CDK13: variants seen among roughly 807,000 people sequenced by gnomAD.
CDK13 encodes cyclin dependent kinase 13.
CDK13 carries 40 observed loss-of-function variants against 137.6 expected under a neutral mutation model. The observed-to-expected ratio is 0.29, with a 90% CI of 0.23 to 0.38. CDK13 has a LOEUF of 0.38. Among genes scored for constraint, CDK13 ranks in the 10% least tolerant of loss-of-function variants. CDK13 has a pLI of 1.00. For synonymous variants in CDK13, 869 were observed against 760.1 expected, an observed-to-expected ratio of 1.14 and a Z score of -2.36; for missense variants, 1,704 against 1,951.8, an observed-to-expected ratio of 0.87 and a Z score of 2.39.
chr7:40,041,772 TACA>T (rs67424638), intron 5 of CDK13, among the ~76,000 whole-genome samples: 16,966 of 152,178 alleles, frequency 0.11, 3,094 homozygotes, highest in African/African-American at 0.38. Flanking sequence ...ATTACATCTC[TACA>T]ACATTTTTCA....
intron 5 of CDK13, among the ~76,000 whole-genome samples, chr7:40,003,202 ACACACTCTCT>A (rs1411794870): frequency 0.017 from 1,412 of 80,916 alleles, 9 homozygotes; most frequent in East Asian, 0.083. Flanking sequence ...ACACACACAC[ACACACTCTCT>A]CTCTCTCTCT....
In CDK13 at chr7:40,094,858, C is replaced by T. The variant is rs1010889258; in HGVS notation, c.4417C>T (p.Pro1473Ser). ...TAACTTACAGGAAAATCCGAGTGGC[C>T]CCAGCCTCATGCATGGACAGACCTG... is the stretch of plus-strand genomic sequence containing the variant. ...GGNLQENPSG[P>S]SLMHGQTWTS... The change falls in exon 14 of 14, where the codon CCC becomes TCC. Residue 1473 changes from proline to serine, a missense_variant. By Grantham distance (74) the Pro-to-Ser change is moderately conservative. Transcript: ENST00000181839. 8 of 1,549,426 alleles carry T rather than the reference C, an allele frequency of 5.2e-6. No individual in the cohort carries two copies. Among genetic ancestry groups the T allele is most frequent in the Non-Finnish European group, 7.0e-6 (8 of 1,149,514 alleles).
intron 13 of CDK13, 84 bp downstream of exon 13, chr7:40,093,321 T>TC: frequency 1.8e-6 from 2 of 1,118,564 alleles, no homozygotes; most frequent in Non-Finnish European, 1.3e-6. Context: ...TGTGTATAGT[T>TC]CAGTGACATT....
intron 6 of CDK13, among the ~76,000 whole-genome samples, 177 bp downstream of exon 6, chr7:40,046,202 A>T (rs367906161): frequency 1.3e-5 from 2 of 152,158 alleles, no homozygotes; most frequent in African/African-American, 4.8e-5. Flanking sequence ...CCTAACCCCT[A>T]CTATTACACT....
intron 1 of CDK13, among the ~76,000 whole-genome samples, chr7:39,977,318 G>C (rs558575568): frequency 6.6e-6 from 1 of 152,290 alleles, no homozygotes; most frequent in East Asian, 1.9e-4. Flanking sequence ...CTTTTCAATA[G>C]GAATACTATC....
chr7:39,997,675 G>C lies in CDK13; in HGVS notation c.2042+11G>C. 6.2e-7 allele frequency: 1 copy of C among 1,604,018 alleles called. No individual in the cohort carries two copies. Among genetic ancestry groups the C allele is most frequent in the Non-Finnish European group, 8.5e-7 (1 of 1,174,290 alleles). On this transcript the variant is annotated intron_variant, in intron 3 of 13. Transcript: ENST00000181839. ...TAAAAGGAGGCCTAAGTATGTGCTT[G>C]CTTTCTACCTGCTCTTAAATTGACC...
At chr7:39,976,117 A>AAC (rs374798859) in intron 1 of CDK13, among the ~76,000 whole-genome samples, 29 of 152,028 alleles carry the variant, frequency 1.9e-4, no homozygotes, top group African/African-American at 6.3e-4. Flanking sequence ...AACATGGTGA[A>AAC]ACCCCGTCTC....
chr7:40,008,827 T>G (rs964817066), intron 5 of CDK13, among the ~76,000 whole-genome samples: 3 of 152,176 alleles, frequency 2.0e-5, no homozygotes, highest in African/African-American at 7.2e-5. Context: ...ATTCATTATG[T>G]TATGTAAAAG....
intron 9 of CDK13, among the ~76,000 whole-genome samples, chr7:40,074,250 C>G (rs1469845456): frequency 6.6e-6 from 1 of 151,922 alleles, no homozygotes; most frequent in East Asian, 1.9e-4. Flanking sequence ...GGGCCAGGTG[C>G]GGTGGCTCAC....
At chr7:40,063,999 C>A (rs553654821) in intron 9 of CDK13, among the ~76,000 whole-genome samples, 31 of 152,126 alleles carry the variant, frequency 2.0e-4, no homozygotes, top group African/African-American at 7.2e-4. Flanking sequence ...TAAAAATGGG[C>A]TTTGGCCAGG....
At chr7:40,031,425 G>T (rs755235769) in intron 5 of CDK13, among the ~76,000 whole-genome samples, 12 of 152,108 alleles carry the variant, frequency 7.9e-5, no homozygotes, top group Non-Finnish European at 1.0e-4. Flanking sequence ...GGGAGGCTGA[G>T]GCAGGAGATT....
intron 5 of CDK13, among the ~76,000 whole-genome samples, chr7:40,003,182 ACACACACACACACACACACACACACTCT>A (rs1784722824): frequency 1.1e-5 from 1 of 94,018 alleles, no homozygotes; most frequent in Non-Finnish European, 2.3e-5. Context: ...ACACACACAC[ACACACACACACACACACACACACACTCT>A]CTCTCTCTCT....
At chr7:40,008,811 C>T (rs936097923) in intron 5 of CDK13, among the ~76,000 whole-genome samples, 2 of 152,094 alleles carry the variant, frequency 1.3e-5, no homozygotes, top group Non-Finnish European at 2.9e-5. Flanking sequence ...GTTACTTTAT[C>T]ATGTTATTCA....
intron 11 of CDK13, among the ~76,000 whole-genome samples, chr7:40,080,083 G>A (rs958481467): frequency 6.6e-6 from 1 of 152,158 alleles, no homozygotes; most frequent in Non-Finnish European, 1.5e-5. Flanking sequence ...TGCGTCTCAG[G>A]TTCAAGTGAT....
At position 39,987,789 on chromosome 7, in the gene CDK13, G is replaced by T; in HGVS notation, c.1402G>T (p.Ala468Ser). ...KARAAEAARAAEAAKAAEATK... is the reference protein window; with the variant it reads ...KARAAEAARASEAAKAAEATK... Reference sequence around the variant, plus strand: ...ACGAGCAGCAGAGGCAGCAAGAGCCGCAGAAGCAGCGAAAGCTGCAGAAGC... The same window carrying T: ...ACGAGCAGCAGAGGCAGCAAGAGCCTCAGAAGCAGCGAAAGCTGCAGAAGC... Residue 468 changes from alanine to serine, a missense_variant, in exon 2 of 14, where the codon GCA becomes TCA. Ala to Ser is a moderately conservative substitution (Grantham distance 99). This residue lies in a region of CDK13 where 1,051 missense variants were observed against 931.0 expected (regional missense o/e 1.13). Transcript: ENST00000181839. The T allele has an allele frequency of 1.4e-5, 23 of 1,613,834 alleles. No individual in the cohort carries two copies. Among genetic ancestry groups the T allele is most frequent in the Non-Finnish European group, 1.9e-5 (22 of 1,179,940 alleles).
chr7:39,992,105 GCACACACACA>G (rs764758989), intron 2 of CDK13, among the ~76,000 whole-genome samples: 16,884 of 133,430 alleles, frequency 0.13, 3,139 homozygotes, highest in African/African-American at 0.43. Flanking sequence ...ACACACACAC[GCACACACACA>G]CACAAGCACA....
At position 39,951,175 on chromosome 7, in the gene CDK13, C is replaced by T. The variant is rs2116056986; in HGVS notation, c.534C>T (p.Gly178=). ...CTGCCGGGGGAACGGGGGGCAGCGG[C>T]GGGAGTCCGGCCTCCTCCTCCGGCA... ...ATAAGGTGGS[G]GSPASSSGTQ... Residue 178 remains glycine (G), a synonymous_variant, in exon 1 of 14, where the codon GGC becomes GGT. Coordinates refer to ENST00000181839, the MANE Select transcript of CDK13 (RefSeq NM_003718.5). 4 of 1,242,938 alleles carry T rather than the reference C, an allele frequency of 3.2e-6. No homozygotes were observed. Among genetic ancestry groups the T allele is most frequent in the Non-Finnish European group, 4.0e-6 (4 of 995,344 alleles). The allele number at this position is 1,242,938 out of a possible 1,614,324, so 77.0% of individuals were successfully genotyped here.
At chr7:39,992,163 G>GGGTGT (rs550297232) in intron 2 of CDK13, among the ~76,000 whole-genome samples, 3 of 146,310 alleles carry the variant, frequency 2.1e-5, no homozygotes, top group South Asian at 2.2e-4. Flanking sequence ...AACTAATGAG[G>GGGTGT]GTGTGTGTGT....
chr7:39,996,120 T>G (rs1784555192), intron 2 of CDK13, among the ~76,000 whole-genome samples: 1 of 152,216 alleles, frequency 6.6e-6, no homozygotes, highest in Admixed American at 6.5e-5. Flanking sequence ...AATTAAGTCG[T>G]TTTTATCAGA....
Sources: gnomAD v4.1 joint callset for allele counts (sites outside exome capture counted in the v4.1 genomes callset) on GRCh38, gnomAD v4.1.1 for gene constraint, gnomAD v4.1.1 regional missense constraint, MANE v1.5 for transcripts, NCBI Gene and HGNC (gene_info 2026-07-23, HGNC 2026-07-21) for gene names.